TAF4: variants seen among roughly 807,000 people sequenced by gnomAD.
The protein encoded by TAF4 is TATA-box binding protein associated factor 4.
TAF4 carries 9 observed loss-of-function variants against 90.3 expected under a neutral mutation model. The observed-to-expected ratio is 0.10, with a 90% CI of 0.06 to 0.17. The LOEUF (loss-of-function observed/expected upper bound fraction) is 0.17. Among genes scored for constraint, TAF4 ranks in the 10% least tolerant of loss-of-function variants. TAF4 has a pLI of 1.00. For synonymous variants in TAF4, 818 were observed against 638.9 expected, an observed-to-expected ratio of 1.28 and a Z score of -4.23; for missense variants, 1,351 against 1,370.7, an observed-to-expected ratio of 0.99 and a Z score of 0.23.
At chr20:62,029,357 G>C (rs1040978876) in intron 1 of TAF4, among the ~76,000 whole-genome samples, 7 of 152,124 alleles carry the variant, frequency 4.6e-5, no homozygotes, top group African/African-American at 1.2e-4. Flanking sequence ...ATCTCCACTT[G>C]GGGGCGGTGG....
intron 1 of TAF4, among the ~76,000 whole-genome samples, chr20:62,019,670 G>C (rs2055831531): frequency 1.3e-5 from 2 of 152,206 alleles, no homozygotes; most frequent in South Asian, 2.1e-4. Context: ...CTCCCCCAGA[G>C]CCTTCCAGGG....
At chr20:62,040,595 C>T (rs1214531636) in intron 1 of TAF4, among the ~76,000 whole-genome samples, 2 of 152,348 alleles carry the variant, frequency 1.3e-5, no homozygotes, top group South Asian at 2.1e-4. Flanking sequence ...CTCTGCCACG[C>T]GCCAACTACG....
chr20:61,999,516 G>A lies in TAF4; in HGVS notation c.2788-408C>T, dbSNP rs576781769. On this transcript the variant is annotated intron_variant, in intron 11 of 14. Coordinates refer to ENST00000252996, the MANE Select transcript of TAF4 (RefSeq NM_003185.4). ...GCACCACCTCACCCAGTGTGCCCTTGGAAGAGTGTTCATATGTGACTGCTG... is the reference window on the plus strand; with the variant it reads ...GCACCACCTCACCCAGTGTGCCCTTAGAAGAGTGTTCATATGTGACTGCTG... Among the ~76,000 whole-genome samples, 6 of 152,352 alleles carry A rather than the reference G, an allele frequency of 3.9e-5. No individual in the cohort carries two copies. The East Asian group carries it at 1.2e-3, about 29-fold the overall frequency.
intron 1 of TAF4, among the ~76,000 whole-genome samples, chr20:62,048,030 A>C (rs1266342848): frequency 6.6e-6 from 1 of 152,104 alleles, no homozygotes; most frequent in Non-Finnish European, 1.5e-5. Flanking sequence ...CCTCATCAAG[A>C]TGCCTGGTCC....
chr20:62,054,570 A>T (rs2056049871), intron 1 of TAF4, among the ~76,000 whole-genome samples: 1 of 152,130 alleles, frequency 6.6e-6, no homozygotes, highest in Non-Finnish European at 1.5e-5. Context: ...AAGAGCTGAC[A>T]GCTCTTTGCT....
At chr20:62,032,705 C>T (rs1264871624) in intron 1 of TAF4, among the ~76,000 whole-genome samples, 1 of 152,226 alleles carries the variant, frequency 6.6e-6, no homozygotes, top group Non-Finnish European at 1.5e-5. Flanking sequence ...TACAGCAAAA[C>T]GTCAGTTCTC....
chr20:62,065,329 G>A lies in TAF4; in HGVS notation c.482C>T (p.Ala161Val), dbSNP rs2056123514. The change falls in exon 1 of 15, where the codon GCC becomes GTC. Residue 161 changes from alanine to valine, a missense_variant. By Grantham distance (64) the Ala-to-Val change is moderately conservative. Around this residue, in one of 9 missense-constraint regions of TAF4, gnomAD observed 782 missense variants for 536.6 expected, o/e 1.46. Transcript: ENST00000252996. ...EPAPAGPAKPAGPAALAARAG... is the reference protein window; with the variant it reads ...EPAPAGPAKPVGPAALAARAG... ...GCGGGCGGCCAGCGCGGCGGGGCCG[G>A]CGGGCTTGGCGGGGCCGGCGGGGGC... is the stretch of plus-strand genomic sequence containing the variant. 2 of 952,370 alleles carry A rather than the reference G, an allele frequency of 2.1e-6. No homozygotes were observed. The highest frequency in any genetic ancestry group is 2.5e-6 in the Non-Finnish European group (2 of 806,284). The allele number at this position is 952,370 out of a possible 1,614,324, so 59.0% of individuals were successfully genotyped here. A position where few individuals can be genotyped will look rare whatever the true frequency, so the allele number is the denominator to read the frequency against.
chr20:62,054,894 A>C (rs577669521), intron 1 of TAF4, among the ~76,000 whole-genome samples: 2 of 151,744 alleles, frequency 1.3e-5, no homozygotes, highest in South Asian at 4.2e-4. Flanking sequence ...AGCCACCGAC[A>C]TTCCCTCTCA....
intron 2 of TAF4, 56 bp downstream of exon 2, chr20:62,014,491 G>A: frequency 1.3e-6 from 2 of 1,528,700 alleles, no homozygotes; most frequent in African/African-American, 1.4e-5. Flanking sequence ...CAGCATGCGT[G>A]GGGAGAGGGG....
intron 1 of TAF4, among the ~76,000 whole-genome samples, chr20:62,023,317 CCTGTAGTGGAGG>C (rs1209499182): frequency 2.6e-5 from 4 of 151,594 alleles, no homozygotes; most frequent in Non-Finnish European, 4.4e-5. Context: ...GTGGTGCACC[CCTGTAGTGGAGG>C]CTGAGGCACG....
intron 1 of TAF4, among the ~76,000 whole-genome samples, chr20:62,033,093 G>A (rs1368884537): frequency 6.6e-6 from 1 of 152,168 alleles, no homozygotes; most frequent in African/African-American, 2.4e-5. Flanking sequence ...ATACGGTGAG[G>A]GAGTGACCTA....
chr20:61,984,132 A>G (rs568420166), intron 14 of TAF4, among the ~76,000 whole-genome samples: 1 of 152,326 alleles, frequency 6.6e-6, no homozygotes, highest in African/African-American at 2.4e-5. Flanking sequence ...CAGCCGGAAG[A>G]CTGAGCGACC....
Position 62,000,571 on chromosome 20 carries a change from C to T in TAF4, c.2637G>A (p.Gln879=). 6.2e-7 allele frequency: 1 copy of T among 1,614,026 alleles called. No homozygotes were observed. Among genetic ancestry groups the T allele is most frequent in the South Asian group, 1.1e-5 (1 of 91,070 alleles). ...ACGTACCTATTTCTAATATTCTTCT[C>T]TGCAAAGGCGCTTGGAGGAGGAAGG... is the stretch of plus-strand genomic sequence containing the variant. ...DETFLLQAPL[Q]RRILEIGKKH... is the part of the protein sequence containing the mutation. The change falls in exon 10 of 15, where the codon CAG becomes CAA. Residue 879 remains glutamine, a synonymous_variant. Transcript: ENST00000252996.
At chr20:62,021,723 C>T (rs971785470) in intron 1 of TAF4, among the ~76,000 whole-genome samples, 2 of 152,088 alleles carry the variant, frequency 1.3e-5, no homozygotes, top group Admixed American at 6.5e-5. Context: ...GGTGGGTGGG[C>T]CAGCAGAGTT....
intron 14 of TAF4, among the ~76,000 whole-genome samples, chr20:61,993,878 G>T (rs202008056): frequency 6.6e-6 from 1 of 151,998 alleles, no homozygotes; most frequent in Admixed American, 6.6e-5. Context: ...TCAGCCTCCC[G>T]AGTAGCTGGA....
chr20:62,008,040 GTGCC>G, intron 5 of TAF4: 1 of 162,076 alleles, frequency 6.2e-6, no homozygotes, highest in Non-Finnish European at 1.3e-5. Flanking sequence ...AGGTCACAGC[GTGCC>G]AGGGGCCACA....
intron 14 of TAF4, among the ~76,000 whole-genome samples, chr20:61,988,175 C>T (rs1203165646): frequency 1.3e-5 from 2 of 152,150 alleles, no homozygotes; most frequent in African/African-American, 4.8e-5. Flanking sequence ...AGAATGTACA[C>T]ACCAAGAGTG....
At chr20:61,979,139 T>A (rs545180734) in intron 14 of TAF4, 1 of 132,278 alleles carries the variant, frequency 7.6e-6, no homozygotes, top group Non-Finnish European at 1.7e-5. Flanking sequence ...AACCTCCCCC[T>A]CTCTTCTCAG....
At chr20:62,051,400 C>A (rs2056026633) in intron 1 of TAF4, among the ~76,000 whole-genome samples, 1 of 152,164 alleles carries the variant, frequency 6.6e-6, no homozygotes, top group African/African-American at 2.4e-5. Context: ...CCTCCTCTCA[C>A]ACGATACTCC....
Sources: allele counts gnomAD v4.1 joint callset (sites outside exome capture counted in the v4.1 genomes callset), GRCh38; gene constraint gnomAD v4.1.1; regional missense constraint gnomAD v4.1.1; transcripts MANE v1.5; gene names NCBI Gene and HGNC (gene_info 2026-07-23, HGNC 2026-07-21).